Variants in SRCAP observed in about 807,000 individuals in gnomAD.
The protein encoded by SRCAP is chromatin remodeling protein SRCAP.
SRCAP carries 46 observed loss-of-function variants against 263.1 expected under a neutral mutation model. The ratio of observed to expected loss-of-function variants is 0.17; its 90% confidence interval spans 0.14 to 0.22. The LOEUF (loss-of-function observed/expected upper bound fraction) is 0.22, where lower values mean the gene tolerates loss of function less well. SRCAP is among the 10% of genes least tolerant of loss of function. SRCAP has a pLI of 1.00. For missense variants in SRCAP, 3,695 were observed against 4,181.9 expected (o/e 0.88, Z 3.21); for synonymous variants, 1,813 against 1,662.1 (o/e 1.09, Z -2.21).
rs749472203 is a variant in SRCAP at position 30,739,699 on chromosome 16, C to T, written c.9659C>T (p.Ala3220Val). Residue 3220 changes from alanine to valine, a missense_variant, in exon 34 of 34, where the codon GCT becomes GTT. Transcript: ENST00000262518. ...SSAPPSLAGP[A>V]VSHRGRKAKT ...GCCCCTCCCTCCCTGGCTGGCCCTG[C>T]TGTTAGTCACAGAGGCCGCAAGGCC... 5.9e-6 allele frequency: 9 copies of T among 1,516,592 alleles called. No individual in the cohort carries two copies. The African/African-American group carries it at 9.8e-5, about 16-fold the overall frequency. 93.9% of individuals were successfully genotyped at this position (1,516,592 alleles called of 1,614,324 possible). A position where few individuals can be genotyped will look rare whatever the true frequency, so the allele number is the denominator to read the frequency against.
rs774234973 is a variant in SRCAP at position 30,721,299 on chromosome 16, C to G, written c.3364C>G (p.Pro1122Ala). ...AGTTCGCCTGAGCCCAGCCCCACCT[C>G]CAGGCTCCTCTAGCCTGTTGAAGCC... Reference protein sequence around the residue: ...APVRLSPAPPPGSSSLLKPLT... With the variant: ...APVRLSPAPPAGSSSLLKPLT... The change falls in exon 21 of 34, where the codon CCA (proline) becomes GCA (alanine). Residue 1122 changes from proline to alanine, a missense_variant. Around this residue, in one of 12 missense-constraint regions of SRCAP, gnomAD observed 1,347 missense variants for 1,304.4 expected, o/e 1.03. Coordinates refer to ENST00000262518, the MANE Select transcript of SRCAP (RefSeq NM_006662.3). The G allele has an allele frequency of 1.2e-6, 2 of 1,614,220 alleles. No homozygotes were observed. The highest frequency in any genetic ancestry group is 2.2e-5 in the South Asian group (2 of 91,092).
chr16:30,705,084 TGAGGTCAGGAGTTC>T (rs1285146716), intron 4 of SRCAP, among the ~76,000 whole-genome samples: 2 of 152,164 alleles, frequency 1.3e-5, no homozygotes, highest in African/African-American at 2.4e-5. Context: ...GTGGATCACC[TGAGGTCAGGAGTTC>T]GAGACCAGCC....
rs1160199765 is a variant in SRCAP at position 30,739,235 on chromosome 16, C to T, written c.9195C>T (p.Arg3065=). The part of the protein sequence containing the change: ...SDEDGSRPLT[R]LARLRLEAEG... The stretch of plus-strand genomic sequence containing the variant: ...AGGATGGAAGCCGCCCCCTCACCCG[C>T]CTGGCCCGCCTTCGGCTTGAAGCAG... The change falls in exon 34 of 34, where the codon CGC becomes CGT. Residue 3065 remains arginine (R), a synonymous_variant. Coordinates refer to ENST00000262518, the MANE Select transcript of SRCAP (RefSeq NM_006662.3). The T allele has an allele frequency of 6.2e-7, 1 of 1,613,604 alleles. No homozygotes were observed. The highest frequency in any genetic ancestry group is 1.7e-5 in the Admixed American group (1 of 60,030).
Position 30,738,753 on chromosome 16 carries a change from G to T in SRCAP, c.8713G>T (p.Asp2905Tyr). The change falls in exon 34 of 34, where the codon GAT becomes TAT. Residue 2905 changes from aspartate (D) to tyrosine (Y), a missense_variant. By Grantham distance (160) the Asp-to-Tyr change is radical (BLOSUM62 -3). Transcript: ENST00000262518. Reference sequence around the variant, plus strand: ...TGGGCCTGAGACCCTAATTGTTGCAGATCCTGTCCTGGAACCACAGCTTAT... The same window carrying T: ...TGGGCCTGAGACCCTAATTGTTGCATATCCTGTCCTGGAACCACAGCTTAT... ...VPGPETLIVA[D>Y]PVLEPQLIPG... is the part of the protein sequence containing the mutation. 6.2e-7 allele frequency: 1 copy of T among 1,614,060 alleles called. No homozygotes were observed. Among genetic ancestry groups the T allele is most frequent in the Non-Finnish European group, 8.5e-7 (1 of 1,179,994 alleles).
At position 30,738,403 on chromosome 16, in the gene SRCAP, C is replaced by T. The variant is rs141858791; in HGVS notation, c.8363C>T (p.Pro2788Leu). 151 of 1,546,790 alleles carry T rather than the reference C, an allele frequency of 9.8e-5. No homozygotes were observed. The African/African-American group carries it at 1.5e-3, about 15-fold the overall frequency. The change falls in exon 34 of 34, where the codon CCG becomes CTG. Residue 2788 changes from proline to leucine, a missense_variant. Pro to Leu is a moderately conservative substitution (Grantham distance 98, BLOSUM62 -3). Transcript: ENST00000262518. ...VPGVSETSAS[P>L]GSPSVRSMSG... ...GGGGTCTCTGAGACTAGTGCCAGCCCGGGAAGCCCGTCTGTCCGCAGCATG... is the reference window on the plus strand; with the variant it reads ...GGGGTCTCTGAGACTAGTGCCAGCCTGGGAAGCCCGTCTGTCCGCAGCATG...
At chr16:30,711,196 C>A in intron 10 of SRCAP, 108 bp downstream of exon 10, 1 of 813,376 alleles carries the variant, frequency 1.2e-6, no homozygotes. Flanking sequence ...GGAGGAATTC[C>A]ATGTCTAATG....
intron 6 of SRCAP, among the ~76,000 whole-genome samples, chr16:30,708,230 A>G (rs1460655243): frequency 6.6e-6 from 1 of 152,052 alleles, no homozygotes; most frequent in Non-Finnish European, 1.5e-5. Context: ...ATTGTCTTGG[A>G]CAGAGTCTTG....
chr16:30,727,395 A>G (rs2053073884), intron 25 of SRCAP, among the ~76,000 whole-genome samples: 1 of 152,158 alleles, frequency 6.6e-6, no homozygotes, highest in South Asian at 2.1e-4. Context: ...TATGGTTTAC[A>G]AATAGTCTTT....
In SRCAP at chr16:30,738,980, A is replaced by C; in HGVS notation, c.8940A>C (p.Pro2980=). Residue 2980 remains proline, a synonymous_variant, in exon 34 of 34, where the codon CCA becomes CCC. Coordinates refer to ENST00000262518, the MANE Select transcript of SRCAP (RefSeq NM_006662.3). ...CATCACCCCTAACCCCACTCCCACCACTGCTAGTTTGTCCCACTGCTACTG... is the reference window on the plus strand; with the variant it reads ...CATCACCCCTAACCCCACTCCCACCCCTGCTAGTTTGTCCCACTGCTACTG... ...PHPSPLTPLP[P]LLVCPTATVA... 3 of 1,613,576 alleles carry C rather than the reference A, an allele frequency of 1.9e-6. No individual in the cohort carries two copies. The highest frequency in any genetic ancestry group is 2.5e-6 in the Non-Finnish European group (3 of 1,179,796).
chr16:30,721,221 A>G lies in SRCAP; in HGVS notation c.3286A>G (p.Thr1096Ala), dbSNP rs1249110328. ...LPSPLGVLSG[T>A]SRPPTPTLSL... ...ATCCCCCCTGGGGGTCCTGAGTGGG[A>G]CCTCACGGCCTCCCACGCCAACCTT... The change falls in exon 21 of 34, where the codon ACC becomes GCC. Residue 1096 changes from threonine to alanine, a missense_variant. By Grantham distance (58) the Thr-to-Ala change is moderately conservative (BLOSUM62 0). This residue lies in a region of SRCAP where 1,347 missense variants were observed against 1,304.4 expected (regional missense o/e 1.03). Coordinates refer to ENST00000262518, the MANE Select transcript of SRCAP (RefSeq NM_006662.3). 6.2e-7 allele frequency: 1 copy of G among 1,612,702 alleles called. No individual in the cohort carries two copies. Among genetic ancestry groups the G allele is most frequent in the African/African-American group, 1.3e-5 (1 of 74,912 alleles).
In SRCAP at chr16:30,718,119, C is replaced by T. The variant is rs541244912; in HGVS notation, c.2817+1640C>T. On this transcript the variant is annotated intron_variant, in intron 18 of 33. Coordinates refer to ENST00000262518, the MANE Select transcript of SRCAP (RefSeq NM_006662.3). ...AACTCCTGGCCTCAAGTGATCCTTC[C>T]GCCTTGGCCTCCCAAAGCCCTGGGA... 5.7e-4 allele frequency among the ~76,000 whole-genome samples: 86 copies of T among 152,110 alleles called. 1 individual carries two copies. The highest frequency in any genetic ancestry group is 4.2e-3 in the East Asian group (22 of 5,184).
chr16:30,711,237 A>G lies in SRCAP; in HGVS notation c.1318+149A>G, dbSNP rs149132378. The stretch of plus-strand genomic sequence containing the variant: ...GACAGACTTGTAAACCAGTAATGAT[A>G]AGTAGAAAGTGATGAGTGCTTATGA... On this transcript the variant is annotated intron_variant, in intron 10 of 33. Transcript: ENST00000262518. 2.5e-5 allele frequency: 17 copies of G among 679,026 alleles called. No individual in the cohort carries two copies. The East Asian group carries it at 4.6e-4, about 18-fold the overall frequency. The allele number at this position is 679,026 out of a possible 1,614,324, so 42.1% of individuals were successfully genotyped here. A position where few individuals can be genotyped will look rare whatever the true frequency, so the allele number is the denominator to read the frequency against.
At chr16:30,710,566 A>G (rs1567242047) in intron 8 of SRCAP, 188 bp from the exon 9 acceptor site, 3 of 784,700 alleles carry the variant, frequency 3.8e-6, no homozygotes, top group Non-Finnish European at 6.9e-6. Flanking sequence ...TTCCCCAGGC[A>G]GTGGGGCCAG....
rs946792538 is a variant in SRCAP, at chr16:30,740,518, TTCA to T, written c.*788_*790del. The T allele has an allele frequency of 6.6e-6, 1 of 152,234 alleles. No individual in the cohort carries two copies. 9.4% of individuals were successfully genotyped at this position (152,234 alleles called of 1,614,324 possible). ...CCATCCCTTGGGCCCTCCCCTGCTC[TTCA>T]TCTAGCCAAACTGGTTTGAGTCAGC... On this transcript the variant is annotated 3_prime_UTR_variant, in exon 34 of 34. Transcript: ENST00000262518.
chr16:30,728,817 C>A, intron 25 of SRCAP, 149 bp from the exon 26 acceptor site: 1 of 870,102 alleles, frequency 1.1e-6, no homozygotes, highest in Non-Finnish European at 1.7e-6. Context: ...AAGAATAGTT[C>A]TCATTGATAA....
At position 30,723,693 on chromosome 16, in the gene SRCAP, T is replaced by C; in HGVS notation, c.4269T>C (p.Leu1423=). 1 of 1,614,082 alleles carries C rather than the reference T, an allele frequency of 6.2e-7. No homozygotes were observed. The highest frequency in any genetic ancestry group is 8.5e-7 in the Non-Finnish European group (1 of 1,179,992). ...SPMPIPNSSP[L]ASPVSSTVSV... ...TGCCAATTCCCAACTCCTCTCCCCT[T>C]GCTAGTCCTGTGTCCTCTACAGTCT... The change falls in exon 25 of 34, where the codon CTT becomes CTC. Residue 1423 remains leucine, a synonymous_variant. Coordinates refer to ENST00000262518, the MANE Select transcript of SRCAP (RefSeq NM_006662.3).
At chr16:30,715,256 G>A (rs532113376) in intron 16 of SRCAP, among the ~76,000 whole-genome samples, 55 of 152,214 alleles carry the variant, frequency 3.6e-4, no homozygotes, top group South Asian at 1.9e-3. Context: ...ACTATCATTC[G>A]GTAAACTAAG....
At chr16:30,705,131 T>C (rs1290706004) in intron 4 of SRCAP, among the ~76,000 whole-genome samples, 1 of 151,960 alleles carries the variant, frequency 6.6e-6, no homozygotes, top group Non-Finnish European at 1.5e-5. Flanking sequence ...CAAAATCCCA[T>C]CTCTGCTAAA....
intron 4 of SRCAP, among the ~76,000 whole-genome samples, chr16:30,706,307 A>C (rs1035333637): frequency 2.0e-5 from 3 of 152,132 alleles, no homozygotes; most frequent in African/African-American, 7.2e-5. Flanking sequence ...AATACAAAAA[A>C]ATTAGCTGGG....
Sources: gnomAD v4.1 joint callset for allele counts (sites outside exome capture counted in the v4.1 genomes callset) on GRCh38, gnomAD v4.1.1 for gene constraint, gnomAD v4.1.1 regional missense constraint, MANE v1.5 for transcripts, NCBI Gene and HGNC (gene_info 2026-07-23, HGNC 2026-07-21) for gene names.